Variants in L3MBTL4 observed in about 807,000 individuals in gnomAD.
L3MBTL4 encodes L3MBTL histone methyl-lysine binding protein 4.
L3MBTL4 carries 70 observed loss-of-function variants against 84.5 expected under a neutral mutation model. That is an observed-to-expected ratio of 0.83 (90% CI 0.68 to 1.01). The LOEUF is 1.01. Ranked by LOEUF, L3MBTL4 falls within the 50% of genes least tolerant of loss-of-function variation. L3MBTL4 has a pLI of 0.00. For synonymous variants in L3MBTL4, 274 were observed against 259.8 expected (o/e 1.05, Z -0.52); for missense variants, 715 against 754.8 (o/e 0.95, Z 0.62).
At chr18:6,085,676 C>T (rs2058235360) in intron 15 of L3MBTL4, among the ~76,000 whole-genome samples, 1 of 152,238 alleles carries the variant, frequency 6.6e-6, no homozygotes, top group Non-Finnish European at 1.5e-5. Context: ...CCTTTGCCTT[C>T]CACCATGATT....
At chr18:6,266,901 C>A (rs959154290) in intron 4 of L3MBTL4, among the ~76,000 whole-genome samples, 1 of 151,446 alleles carries the variant, frequency 6.6e-6, no homozygotes, top group Non-Finnish European at 1.5e-5. Context: ...CCAGCCTGGG[C>A]GACAGAGTGA....
At chr18:6,122,837 T>C (rs2059573253) in intron 14 of L3MBTL4, among the ~76,000 whole-genome samples, 1 of 152,246 alleles carries the variant, frequency 6.6e-6, no homozygotes, top group East Asian at 1.9e-4. Context: ...TATTTAAATC[T>C]AACTCATATA....
intron 1 of L3MBTL4, among the ~76,000 whole-genome samples, chr18:6,390,580 G>T (rs1405650435): frequency 6.6e-6 from 1 of 152,022 alleles, no homozygotes; most frequent in Non-Finnish European, 1.5e-5. Context: ...ACCATTATTA[G>T]CTATATTAAC....
intron 5 of L3MBTL4, among the ~76,000 whole-genome samples, chr18:6,246,864 A>G (rs2576287): frequency 6.6e-6 from 1 of 152,170 alleles, no homozygotes; most frequent in African/African-American, 2.4e-5. Context: ...AGATTGGGCC[A>G]CTGCACTCCA....
At chr18:6,162,186 A>T (rs917121583) in intron 13 of L3MBTL4, among the ~76,000 whole-genome samples, 1 of 152,100 alleles carries the variant, frequency 6.6e-6, no homozygotes, top group African/African-American at 2.4e-5. Flanking sequence ...TATCTTTTGT[A>T]AAAATCCACT....
rs144304468 is a variant in L3MBTL4 at position 6,329,460 on chromosome 18, T to C, written c.-90-17404A>G. 6.7e-3 allele frequency among the ~76,000 whole-genome samples: 1,015 copies of C among 152,312 alleles called. 5 individuals are homozygous for C. Among genetic ancestry groups the C allele is most frequent in the Middle Eastern group, 0.02 (6 of 294 alleles). The stretch of plus-strand genomic sequence containing the variant: ...GAGCCACCGCACCCAGCCTTCTGTT[T>C]CTTTTTATACACTCTAGAAATGGAA... On this transcript the variant is annotated intron_variant, in intron 1 of 18. Coordinates refer to ENST00000317931, the MANE Select transcript of L3MBTL4 (RefSeq NM_001330559.2).
At chr18:6,222,728 G>A (rs142789351) in intron 10 of L3MBTL4, among the ~76,000 whole-genome samples, 2 of 152,102 alleles carry the variant, frequency 1.3e-5, no homozygotes, top group East Asian at 1.9e-4. Context: ...GCTCCTAGCT[G>A]TGCCTCACAT....
At chr18:6,229,149 G>A (rs575497468) in intron 10 of L3MBTL4, among the ~76,000 whole-genome samples, 3 of 152,296 alleles carry the variant, frequency 2.0e-5, no homozygotes, top group African/African-American at 4.8e-5. Context: ...GAAATTAAGA[G>A]ACAGTACTGG....
intron 1 of L3MBTL4, among the ~76,000 whole-genome samples, chr18:6,320,678 T>C (rs1200778127): frequency 6.6e-6 from 1 of 152,128 alleles, no homozygotes; most frequent in Non-Finnish European, 1.5e-5. Context: ...CAAAACAATC[T>C]ACAAATTCAA....
At chr18:6,252,185 C>T (rs1408886895) in intron 5 of L3MBTL4, among the ~76,000 whole-genome samples, 1 of 152,082 alleles carries the variant, frequency 6.6e-6, no homozygotes, top group Non-Finnish European at 1.5e-5. Flanking sequence ...TGGTGGTGGG[C>T]ACCTGTAATC....
chr18:6,171,717 G>C, intron 13 of L3MBTL4, 111 bp downstream of exon 13: 1 of 572,110 alleles, frequency 1.7e-6, no homozygotes, highest in Non-Finnish European at 3.0e-6. Context: ...TGATTAATTC[G>C]CCTATGTGAT....
At chr18:6,005,029 C>CTTTTTTTTTTTTTTTTTTTTTTGTTT (rs1598412472) in intron 16 of L3MBTL4, among the ~76,000 whole-genome samples, 1 of 44,558 alleles carries the variant, frequency 2.2e-5, no homozygotes, top group African/African-American at 8.0e-5. Context: ...TTTTTTTTTA[C>CTTTTTTTTTTTTTTTTTTTTTTGTTT]TTTTAGTTCA....
At chr18:6,180,395 G>A (rs564107432) in intron 12 of L3MBTL4, among the ~76,000 whole-genome samples, 1 of 152,100 alleles carries the variant, frequency 6.6e-6, no homozygotes, top group Admixed American at 6.6e-5. Flanking sequence ...CTGAAGTGCT[G>A]TTCTGTGGTT....
intron 16 of L3MBTL4, among the ~76,000 whole-genome samples, chr18:6,020,414 C>A (rs1258108598): frequency 6.6e-6 from 1 of 152,096 alleles, no homozygotes; most frequent in Non-Finnish European, 1.5e-5. Context: ...GAGCAAGGAC[C>A]AGGTCATGAA....
intron 16 of L3MBTL4, among the ~76,000 whole-genome samples, chr18:6,068,620 A>G (rs2145951342): frequency 6.6e-6 from 1 of 152,264 alleles, no homozygotes; most frequent in South Asian, 2.1e-4. Context: ...GGATGCAATC[A>G]CCCTAAATTG....
chr18:6,282,503 C>T (rs375599985), intron 4 of L3MBTL4, among the ~76,000 whole-genome samples: 6 of 152,170 alleles, frequency 3.9e-5, no homozygotes, highest in South Asian at 2.1e-4. Context: ...AAGGGTTCCA[C>T]GGCAGGACCT....
At chr18:6,242,754 C>A (rs2146138833) in intron 7 of L3MBTL4, among the ~76,000 whole-genome samples, 1 of 152,356 alleles carries the variant, frequency 6.6e-6, no homozygotes, top group African/African-American at 2.4e-5. Context: ...ACCTCACTTG[C>A]ACACAGCAAA....
intron 17 of L3MBTL4, among the ~76,000 whole-genome samples, chr18:5,962,156 G>T (rs2095266668): frequency 1.3e-5 from 2 of 152,168 alleles, no homozygotes. Context: ...CACAACATGT[G>T]TTCAAACATG....
At chr18:5,962,191 AG>A (rs2144684730) in intron 17 of L3MBTL4, among the ~76,000 whole-genome samples, 1 of 152,260 alleles carries the variant, frequency 6.6e-6, no homozygotes, top group East Asian at 1.9e-4. Flanking sequence ...AGAGGTAGGA[AG>A]GCTATGGGTG....
Sources: allele counts gnomAD v4.1 joint callset (sites outside exome capture counted in the v4.1 genomes callset), GRCh38; gene constraint gnomAD v4.1.1; transcripts MANE v1.5; gene names NCBI Gene and HGNC (gene_info 2026-07-23, HGNC 2026-07-21).